Variants in DNAH9 observed in about 807,000 individuals in gnomAD.
The protein encoded by DNAH9 is DNAH9 variant protein.
Under a neutral mutation model 471.6 loss-of-function variants are expected in DNAH9, and 345 were observed. The observed-to-expected ratio is 0.73, with a 90% confidence interval of 0.67 to 0.80. The LOEUF is 0.80. DNAH9 is among the 30% of genes least tolerant of loss of function. DNAH9 has a pLI of 0.00. For synonymous variants in DNAH9, 2,093 were observed against 2,123.6 expected, an observed-to-expected ratio of 0.99 and a Z score of 0.40; for missense variants, 5,407 against 5,609.2, an observed-to-expected ratio of 0.96 and a Z score of 1.15.
Position 11,689,894 on chromosome 17 carries a change from G to A in DNAH9, c.4072G>A (p.Gly1358Ser). The change falls in exon 20 of 69, where the codon GGC (glycine) becomes AGC (serine). Residue 1358 changes from glycine (G) to serine (S), a missense_variant. Physicochemically the swap from Gly to Ser is moderately conservative, Grantham distance 56. Around this residue, in one of 3 missense-constraint regions of DNAH9, gnomAD observed 4,636 missense variants for 4,900.3 expected, o/e 0.95. Coordinates refer to ENST00000262442, the MANE Select transcript of DNAH9 (RefSeq NM_001372.4). Reference sequence around the variant, plus strand: ...GGTCAGGGCCTGGGATGCATTCACAGGCCTGGAAAGCACTGTGTGGAACAC... The same window carrying A: ...GGTCAGGGCCTGGGATGCATTCACAAGCCTGGAAAGCACTGTGTGGAACAC... ...KEVRAWDAFT[G>S]LESTVWNTLS... 6.2e-7 allele frequency: 1 copy of A among 1,608,148 alleles called. No individual in the cohort carries two copies. Among genetic ancestry groups the A allele is most frequent in the South Asian group, 1.1e-5 (1 of 90,380 alleles).
intron 53 of DNAH9, chr17:11,875,802 G>A (rs1972453679): frequency 6.6e-6 from 1 of 152,402 alleles, no homozygotes; most frequent in African/African-American, 2.4e-5. Context: ...CAGTGGCTTG[G>A]GCCTTGACAT....
At chr17:11,627,872 C>T (rs1226274508) in intron 6 of DNAH9, among the ~76,000 whole-genome samples, 1 of 152,188 alleles carries the variant, frequency 6.6e-6, no homozygotes, top group African/African-American at 2.4e-5. Flanking sequence ...CACTTCCCAG[C>T]GCCTCTGTCA....
At chr17:11,851,781 C>A (rs1189956590) in intron 49 of DNAH9, among the ~76,000 whole-genome samples, 1 of 152,084 alleles carries the variant, frequency 6.6e-6, no homozygotes, top group Non-Finnish European at 1.5e-5. Context: ...CTGTGTACTT[C>A]ATCTAGGGTT....
intron 32 of DNAH9, among the ~76,000 whole-genome samples, chr17:11,751,549 A>G (rs575209625): frequency 1.6e-4 from 24 of 152,192 alleles, no homozygotes; most frequent in African/African-American, 5.8e-4. Flanking sequence ...CCTAATAGAA[A>G]ATTCTAAGTA....
chr17:11,965,078 C>T (rs999590198), intron 68 of DNAH9, among the ~76,000 whole-genome samples: 21 of 152,168 alleles, frequency 1.4e-4, no homozygotes, highest in African/African-American at 1.9e-4. Context: ...AAGGGCAAGT[C>T]GGAGAATGAG....
chr17:11,843,857 G>GTATATA (rs1341485444), intron 49 of DNAH9, among the ~76,000 whole-genome samples: 23 of 9,318 alleles, frequency 2.5e-3, no homozygotes, highest in South Asian at 8.1e-3. Context: ...GTGTGTGTGT[G>GTATATA]TGTGTGTATA....
chr17:11,834,328 CAAAAA>C (rs762924565), intron 48 of DNAH9, among the ~76,000 whole-genome samples: 1 of 77,860 alleles, frequency 1.3e-5, no homozygotes, highest in South Asian at 6.8e-4. Flanking sequence ...GACTCCGTCT[CAAAAA>C]AAAAAAAAAA....
Position 11,797,805 on chromosome 17 carries a change from TCTC to T in DNAH9, c.8420+16_8420+18del, listed in dbSNP as rs753441904. On this transcript the variant is annotated intron_variant, in intron 43 of 68. Coordinates refer to ENST00000262442, the MANE Select transcript of DNAH9 (RefSeq NM_001372.4). ...GCCATGCGCCATGTGTAAGTGTGCT[TCTC>T]CTCTTCCTTTTCCTCAGTTGCTTCC... 8.7e-6 allele frequency: 14 copies of T among 1,607,886 alleles called. No homozygotes were observed. Among genetic ancestry groups the T allele is most frequent in the Non-Finnish European group, 1.0e-5 (12 of 1,176,990 alleles).
At chr17:11,667,488 A>G (rs1402033791) in intron 15 of DNAH9, among the ~76,000 whole-genome samples, 1 of 152,198 alleles carries the variant, frequency 6.6e-6, no homozygotes, top group Non-Finnish European at 1.5e-5. Flanking sequence ...TTCTGAAGGC[A>G]AGGCCCTATT....
In DNAH9 at chr17:11,834,635, C is replaced by T. The variant is rs1356102909; in HGVS notation, c.9247-3C>T. The T allele has an allele frequency of 6.2e-7, 1 of 1,613,904 alleles. No homozygotes were observed. Among genetic ancestry groups the T allele is most frequent in the Non-Finnish European group, 8.5e-7 (1 of 1,179,978 alleles). On this transcript the variant is annotated splice_region_variant and splice_polypyrimidine_tract_variant and intron_variant, in intron 48 of 68. Coordinates refer to ENST00000262442, the MANE Select transcript of DNAH9 (RefSeq NM_001372.4). ...TGATAAGTCCCGTGCTTCTCCAATG[C>T]AGGTGGATGATCTGAAAGCAAAGCT...
At position 11,680,820 on chromosome 17, in the gene DNAH9, A is replaced by G; in HGVS notation, c.3674A>G (p.Gln1225Arg). 3 of 1,613,968 alleles carry G rather than the reference A, an allele frequency of 1.9e-6. No homozygotes were observed. The highest frequency in any genetic ancestry group is 2.5e-6 in the Non-Finnish European group (3 of 1,179,956). ...LQANEVTLLR[Q>R]RCTAFDAEQQ... ...GCAAATGAAGTGACACTCCTCCGCC[A>G]GAGGTGCACAGCCTTCGATGCAGAA... Residue 1225 changes from glutamine to arginine, a missense_variant, in exon 19 of 69, where the codon CAG (glutamine) becomes CGG (arginine). This residue lies in a region of DNAH9 where 4,636 missense variants were observed against 4,900.3 expected (regional missense o/e 0.95). Coordinates refer to ENST00000262442, the MANE Select transcript of DNAH9 (RefSeq NM_001372.4).
rs779710984 is a variant in DNAH9, at chr17:11,669,063, G to A, written c.2732-1G>A. The stretch of plus-strand genomic sequence containing the variant: ...GTTTGCTTGTTTTCTGTGTTTTTCA[G>A]AGTGTAAGGCAGGACTTACCCCAAT... On this transcript the variant is annotated splice_acceptor_variant, in intron 15 of 68. Coordinates refer to ENST00000262442, the MANE Select transcript of DNAH9 (RefSeq NM_001372.4). LOFTEE classifies it high-confidence loss of function. 6.3e-7 allele frequency: 1 copy of A among 1,597,658 alleles called. No individual in the cohort carries two copies. Among genetic ancestry groups the A allele is most frequent in the South Asian group, 1.1e-5 (1 of 89,232 alleles).
At chr17:11,705,331 T>C in intron 26 of DNAH9, 146 bp downstream of exon 26, 1 of 658,606 alleles carries the variant, frequency 1.5e-6, no homozygotes, top group African/African-American at 1.8e-5. Flanking sequence ...CTGTTTAAAG[T>C]GAAACTGAAA....
In DNAH9 at chr17:11,797,652, C is replaced by T. The variant is rs1341372742; in HGVS notation, c.8279C>T (p.Ala2760Val). The T allele has an allele frequency of 2.5e-6, 4 of 1,614,056 alleles. No individual in the cohort carries two copies. The Admixed American group carries it at 6.7e-5, about 27-fold the overall frequency. The change falls in exon 43 of 69, where the codon GCA becomes GTA. Residue 2760 changes from alanine to valine, a missense_variant. By Grantham distance (64) the Ala-to-Val change is moderately conservative (BLOSUM62 0). Transcript: ENST00000262442. ...AGCCCGAACCTGTATTGTCACTTTG[C>T]AAATGGTATTGGGGAGCCCAAATAC... Reference protein sequence around the residue: ...TQSPNLYCHFANGIGEPKYMP... With the variant: ...TQSPNLYCHFVNGIGEPKYMP...
intron 24 of DNAH9, among the ~76,000 whole-genome samples, chr17:11,702,085 A>G (rs970801037): frequency 3.9e-5 from 6 of 152,214 alleles, no homozygotes; most frequent in African/African-American, 1.4e-4. Context: ...GAAAGCTGAG[A>G]TGTGAAGCAG....
chr17:11,680,742 A>G lies in DNAH9; in HGVS notation c.3596A>G (p.Asn1199Ser). ...TTGCAGGAGCTGCCTGAGAAATGGA[A>G]CAACATAAAAAAGGTGGCCATTACT... ...KQLEELPEKW[N>S]NIKKVAITVK... The change falls in exon 19 of 69, where the codon AAC becomes AGC. Residue 1199 changes from asparagine to serine, a missense_variant. Around this residue, in one of 3 missense-constraint regions of DNAH9, gnomAD observed 4,636 missense variants for 4,900.3 expected, o/e 0.95. Transcript: ENST00000262442. 1.2e-6 allele frequency: 2 copies of G among 1,614,090 alleles called. No homozygotes were observed. The highest frequency in any genetic ancestry group is 1.7e-6 in the Non-Finnish European group (2 of 1,179,982).
intron 48 of DNAH9, among the ~76,000 whole-genome samples, chr17:11,828,635 T>C (rs1224890473): frequency 1.3e-5 from 2 of 152,134 alleles, no homozygotes; most frequent in South Asian, 4.1e-4. Context: ...TCTTCCTCGG[T>C]TCTACCACAC....
At chr17:11,629,359 T>A in intron 6 of DNAH9, 58 bp from the exon 7 acceptor site, 6 of 1,491,084 alleles carry the variant, frequency 4.0e-6, no homozygotes, top group Non-Finnish European at 5.6e-6. Context: ...TTTGGTTTTT[T>A]GTCCTTGCGA....
chr17:11,937,892 G>T lies in DNAH9; in HGVS notation c.12660+370G>T, dbSNP rs550247714. ...TCCCCTGGCAAACCAAGCAAGGATG[G>T]GTAAGGGGTTGCCCCTGAGCACCCC... On this transcript the variant is annotated intron_variant, in intron 66 of 68. Coordinates refer to ENST00000262442, the MANE Select transcript of DNAH9 (RefSeq NM_001372.4). The surrounding 1 kb of genome is among the most constrained non-coding windows in gnomAD (Gnocchi z 4.1). 1.7e-3 allele frequency among the ~76,000 whole-genome samples: 261 copies of T among 152,304 alleles called. 1 individual carries two copies. Among genetic ancestry groups the T allele is most frequent in the Non-Finnish European group, 2.0e-3 (134 of 68,026 alleles).
Sources: allele counts gnomAD v4.1 joint callset (sites outside exome capture counted in the v4.1 genomes callset), GRCh38; gene constraint gnomAD v4.1.1; regional missense constraint gnomAD v4.1.1; non-coding constraint Gnocchi (gnomAD v3.1); transcripts MANE v1.5; gene names NCBI Gene and HGNC (gene_info 2026-07-23, HGNC 2026-07-21).